TENM3: variants seen among roughly 807,000 people sequenced by gnomAD.
TENM3 encodes teneurin-3.
In TENM3, 63 loss-of-function variants were observed where a neutral mutation model predicts 255.1. That is an observed-to-expected ratio of 0.25 (90% CI 0.20 to 0.30). The LOEUF is 0.30. Among genes scored for constraint, TENM3 ranks in the 10% least tolerant of loss-of-function variants. The probability of loss-of-function intolerance (pLI) is 1.00; values close to 1 mark genes in which losing one functional copy is unlikely to be tolerated. For missense variants in TENM3, 2,929 were observed against 3,461.1 expected (o/e 0.85, Z 3.86); for synonymous variants, 1,306 against 1,322.3 (o/e 0.99, Z 0.27).
intron 3 of TENM3, among the ~76,000 whole-genome samples, chr4:182,365,276 G>C (rs1766351041): frequency 6.6e-6 from 1 of 152,208 alleles, no homozygotes; most frequent in African/African-American, 2.4e-5. Context: ...AGGGTATAAG[G>C]AAAACTGAAG....
chr4:182,614,625 G>A, intron 4 of TENM3, among the ~76,000 whole-genome samples: 1 of 151,914 alleles, frequency 6.6e-6, no homozygotes, highest in Non-Finnish European at 1.5e-5. Context: ...TAAATCTACT[G>A]CCAGTGGTCG....
chr4:182,212,060 AT>A (rs1755078549), intron 1 of TENM3, among the ~76,000 whole-genome samples: 1 of 152,304 alleles, frequency 6.6e-6, no homozygotes, highest in South Asian at 2.1e-4. Flanking sequence ...GCCTATCCAT[AT>A]TTTTTAACTA....
chr4:182,382,038 G>A (rs1156707364), intron 3 of TENM3, among the ~76,000 whole-genome samples: 1 of 152,146 alleles, frequency 6.6e-6, no homozygotes, highest in East Asian at 1.9e-4. Context: ...GAGAAACCTA[G>A]GACGATGCTC....
At chr4:181,718,886 CAT>C in the TENM3 span, among the ~76,000 whole-genome samples, 13 of 152,188 alleles carry the variant, frequency 8.5e-5, no homozygotes, top group Non-Finnish European at 1.5e-4. Flanking sequence ...TATGCATGGC[CAT>C]AGTTTCTCCT....
chr4:181,992,442 C>T, the TENM3 span, among the ~76,000 whole-genome samples: 4 of 152,022 alleles, frequency 2.6e-5, no homozygotes, highest in African/African-American at 7.2e-5. Context: ...CAGAGACCTC[C>T]GATAACTAGT....
At chr4:182,118,428 T>G in the TENM3 span, among the ~76,000 whole-genome samples, 3 of 152,070 alleles carry the variant, frequency 2.0e-5, no homozygotes, top group Non-Finnish European at 2.9e-5. Flanking sequence ...GGTTTTTTTG[T>G]AGATTTTTAA....
chr4:181,860,477 C>T, the TENM3 span, among the ~76,000 whole-genome samples: 3 of 152,174 alleles, frequency 2.0e-5, no homozygotes, highest in Non-Finnish European at 4.4e-5. Flanking sequence ...GAGAAACAGA[C>T]AATGCCATAG....
chr4:182,455,751 A>C (rs937507870), intron 3 of TENM3, among the ~76,000 whole-genome samples: 1 of 151,722 alleles, frequency 6.6e-6, no homozygotes, highest in Non-Finnish European at 1.5e-5. Flanking sequence ...TAGTAGAGAC[A>C]GGGTCTCACC....
At chr4:182,279,850 G>C (rs1029355616) in intron 1 of TENM3, among the ~76,000 whole-genome samples, 1 of 152,118 alleles carries the variant, frequency 6.6e-6, no homozygotes, top group Non-Finnish European at 1.5e-5. Flanking sequence ...ATTTGCCTCT[G>C]CTGGGCCCTA....
Position 182,789,535 on chromosome 4 carries a change from C to A in TENM3, c.5601+146C>A. Reference sequence around the variant, plus strand: ...AGTATCAATACGGAAGTCACATTGGCACAGCAGTGATGAATTTCTGCATTA... The same window carrying A: ...AGTATCAATACGGAAGTCACATTGGAACAGCAGTGATGAATTTCTGCATTA... On this transcript the variant is annotated intron_variant, in intron 25 of 27. Coordinates refer to ENST00000511685, the MANE Select transcript of TENM3 (RefSeq NM_001080477.4). This position sits in a 1 kb window ranked among gnomAD's most constrained non-coding sequence, Gnocchi z 4.4. 1 of 795,844 alleles carries A rather than the reference C, an allele frequency of 1.3e-6. No homozygotes were observed. The highest frequency in any genetic ancestry group is 2.0e-6 in the Non-Finnish European group (1 of 510,666). 49.3% of individuals were successfully genotyped at this position (795,844 alleles called of 1,614,324 possible). A position where few individuals can be genotyped will look rare whatever the true frequency, so the allele number is the denominator to read the frequency against.
intron 1 of TENM3, among the ~76,000 whole-genome samples, chr4:182,151,682 C>CA (rs1254234720): frequency 6.6e-6 from 1 of 151,584 alleles, no homozygotes; most frequent in African/African-American, 2.4e-5. Flanking sequence ...CAAAACAAAA[C>CA]AAAAAAACGA....
intron 1 of TENM3, among the ~76,000 whole-genome samples, chr4:182,235,902 C>T (rs141945689): frequency 1.3e-4 from 20 of 152,306 alleles, no homozygotes; most frequent in Non-Finnish European, 2.8e-4. Flanking sequence ...GTGAACAAAG[C>T]AGTCTAAAAA....
At chr4:182,028,173 G>A in the TENM3 span, among the ~76,000 whole-genome samples, 266 of 152,030 alleles carry the variant, frequency 1.7e-3, 2 homozygotes, top group African/African-American at 5.2e-3. Flanking sequence ...TTCCAGTTTC[G>A]GATTTCCTCA....
chr4:182,252,016 C>T (rs1480296548), intron 1 of TENM3, among the ~76,000 whole-genome samples: 1 of 152,078 alleles, frequency 6.6e-6, no homozygotes, highest in Non-Finnish European at 1.5e-5. Context: ...AACCCCATCT[C>T]TACGAAAAAT....
chr4:182,359,363 T>C (rs1024935974), intron 3 of TENM3, among the ~76,000 whole-genome samples: 4 of 151,318 alleles, frequency 2.6e-5, no homozygotes, highest in African/African-American at 9.8e-5. Context: ...CTCTTTTTGG[T>C]TGGTAAGCTA....
At chr4:182,168,261 A>C (rs1245897264) in intron 1 of TENM3, among the ~76,000 whole-genome samples, 12 of 152,072 alleles carry the variant, frequency 7.9e-5, no homozygotes, top group African/African-American at 2.9e-4. Flanking sequence ...CAGCCTCCCG[A>C]GTAGCTGGGA....
At chr4:182,364,486 G>A (rs13132137) in intron 3 of TENM3, among the ~76,000 whole-genome samples, 26,824 of 151,928 alleles carry the variant, frequency 0.18, 2,556 homozygotes, top group Non-Finnish European at 0.2. Flanking sequence ...GCGCGATCTC[G>A]GCTCACTGCA....
At chr4:181,875,747 G>A in the TENM3 span, among the ~76,000 whole-genome samples, 1 of 152,168 alleles carries the variant, frequency 6.6e-6, no homozygotes, top group East Asian at 1.9e-4. Flanking sequence ...TTATTAGGGG[G>A]AGAAGTTAAG....
intron 1 of TENM3, among the ~76,000 whole-genome samples, chr4:182,268,567 C>T (rs1472326938): frequency 2.0e-5 from 3 of 152,052 alleles, no homozygotes; most frequent in Non-Finnish European, 2.9e-5. Flanking sequence ...ATGGTTAAGG[C>T]ATTCTAAGTC....
Sources: allele counts gnomAD v4.1 joint callset (sites outside exome capture counted in the v4.1 genomes callset), GRCh38; gene constraint gnomAD v4.1.1; non-coding constraint Gnocchi (gnomAD v3.1); transcripts MANE v1.5; gene names NCBI Gene and HGNC (gene_info 2026-07-23, HGNC 2026-07-21).